CNMD: variants seen among roughly 807,000 people sequenced by gnomAD.
The protein encoded by CNMD is chondromodulin, also known as leukocyte cell-derived chemotaxin 1.
CNMD carries 30 observed loss-of-function variants against 37.5 expected under a neutral mutation model. The ratio of observed to expected loss-of-function variants is 0.80; its 90% CI spans 0.60 to 1.09. The LOEUF is 1.09. CNMD is among the 50% of genes least tolerant of loss of function. The pLI is 0.00. For synonymous variants in CNMD, 167 were observed against 148.2 expected, an observed-to-expected ratio of 1.13 and a Z score of -0.92; for missense variants, 398 against 423.9, an observed-to-expected ratio of 0.94 and a Z score of 0.54.
intron 4 of CNMD, among the ~76,000 whole-genome samples, chr13:52,714,109 C>T (rs1020763875): frequency 3.9e-5 from 6 of 152,154 alleles, no homozygotes; most frequent in African/African-American, 1.4e-4. Context: ...TCTGCTTTTC[C>T]TGATTAAAGG....
intron 4 of CNMD, among the ~76,000 whole-genome samples, chr13:52,716,636 T>G (rs1305330645): frequency 6.6e-6 from 1 of 152,190 alleles, no homozygotes; most frequent in Admixed American, 6.5e-5. Context: ...TTTGTCAGGT[T>G]TGTCAAAGAT....
chr13:52,709,818 C>A (rs530570366), intron 5 of CNMD, among the ~76,000 whole-genome samples: 1 of 152,214 alleles, frequency 6.6e-6, no homozygotes, highest in South Asian at 2.1e-4. Context: ...ACTAAAAATA[C>A]AATAATTAGC....
At chr13:52,720,229 C>A (rs953297899) in intron 4 of CNMD, among the ~76,000 whole-genome samples, 2 of 152,100 alleles carry the variant, frequency 1.3e-5, no homozygotes, top group African/African-American at 4.8e-5. Context: ...TTAGCAATTC[C>A]TCTAACCTTT....
At chr13:52,718,450 T>A (rs1168587399) in intron 4 of CNMD, among the ~76,000 whole-genome samples, 7 of 152,180 alleles carry the variant, frequency 4.6e-5, no homozygotes, top group Non-Finnish European at 8.8e-5. Context: ...CAGTTTTAGA[T>A]CTTTCTTGCT....
rs143292560 is a variant in CNMD, at chr13:52,716,323, C to A, written c.469-3454G>T. 7.9e-4 allele frequency among the ~76,000 whole-genome samples: 120 copies of A among 152,276 alleles called. 1 individual carries two copies. The East Asian group carries it at 0.022, about 28-fold the overall frequency. ...TGCCTCTTCACGCTGATGATAGTTT[C>A]TTTTGCTGTGCAGAAGCTCTTTAAT... On this transcript the variant is annotated intron_variant, in intron 4 of 6. Transcript: ENST00000377962.
intron 3 of CNMD, among the ~76,000 whole-genome samples, chr13:52,731,207 T>G (rs1964660378): frequency 6.6e-6 from 1 of 152,198 alleles, no homozygotes. Context: ...TGTTCATAAC[T>G]CATTGGAACA....
At chr13:52,730,540 T>C (rs977308666) in intron 3 of CNMD, among the ~76,000 whole-genome samples, 21 of 152,044 alleles carry the variant, frequency 1.4e-4, no homozygotes, top group African/African-American at 4.3e-4. Context: ...TGGTATCTCA[T>C]TGTGGTTTTG....
rs9591462 is a variant in CNMD at position 52,739,037 on chromosome 13, G to A, written c.207C>T (p.Asp69=). 4.5e-4 allele frequency: 715 copies of A among 1,578,932 alleles called. 7 individuals carry two copies. In the African/African-American group the frequency reaches 9.1e-3, roughly 20 times the overall value. Residue 69 remains aspartate, a synonymous_variant, in exon 2 of 7, where the codon GAC becomes GAT. Coordinates refer to ENST00000377962, the MANE Select transcript of CNMD (RefSeq NM_007015.3). The surrounding 1 kb of genome is among the most constrained non-coding windows in gnomAD (Gnocchi z 5.4). Reference sequence around the variant, plus strand: ...CGCCGCCCTCTGGACTTACGTGACTGTCGCTCCCCTTCCAGAAGTAGAAGG... The same window carrying A: ...CGCCGCCCTCTGGACTTACGTGACTATCGCTCCCCTTCCAGAAGTAGAAGG... ...IGAFYFWKGS[D]SHIYNVHYTM...
chr13:52,722,349 G>T (rs569938663), intron 4 of CNMD, among the ~76,000 whole-genome samples: 1 of 152,180 alleles, frequency 6.6e-6, no homozygotes, highest in African/African-American at 2.4e-5. Flanking sequence ...GTTTCCAGGC[G>T]CCTTTGCTAA....
chr13:52,703,775 T>G lies in CNMD; in HGVS notation c.825A>C (p.Arg275Ser), dbSNP rs1490669579. 1 of 1,613,630 alleles carries G rather than the reference T, an allele frequency of 6.2e-7. No individual in the cohort carries two copies. The highest frequency in any genetic ancestry group is 1.3e-5 in the African/African-American group (1 of 74,918). ...QEGESMTFDP[R>S]LDHEGICCIE... Reference sequence around the variant, plus strand: ...TACAACAGATTCCTTCGTGATCCAGTCTAGGGTCGAATGTCATGCTTTCCC... The same window carrying G: ...TACAACAGATTCCTTCGTGATCCAGGCTAGGGTCGAATGTCATGCTTTCCC... The change falls in exon 7 of 7, where the codon AGA becomes AGC. Residue 275 changes from arginine to serine, a missense_variant. Transcript: ENST00000377962.
At chr13:52,737,765 T>C (rs1264805185) in intron 2 of CNMD, among the ~76,000 whole-genome samples, 1 of 152,238 alleles carries the variant, frequency 6.6e-6, no homozygotes, top group Non-Finnish European at 1.5e-5. Flanking sequence ...GATGTAGATA[T>C]TGAAATCATT....
chr13:52,735,284 A>G (rs1229978735), intron 2 of CNMD, among the ~76,000 whole-genome samples: 1 of 152,190 alleles, frequency 6.6e-6, no homozygotes, highest in Non-Finnish European at 1.5e-5. Flanking sequence ...GCCAGTGTTC[A>G]TATGGGTCAG....
chr13:52,708,910 T>G, intron 5 of CNMD, among the ~76,000 whole-genome samples: 1 of 152,190 alleles, frequency 6.6e-6, no homozygotes. Context: ...TGAATTTGGT[T>G]TTGTAATACT....
intron 4 of CNMD, among the ~76,000 whole-genome samples, chr13:52,721,656 G>T (rs1810997419): frequency 6.6e-6 from 1 of 152,192 alleles, no homozygotes; most frequent in African/African-American, 2.4e-5. Flanking sequence ...GATAAGCCAG[G>T]TACCTCAGTT....
At chr13:52,729,219 G>A (rs567865199) in intron 3 of CNMD, among the ~76,000 whole-genome samples, 7 of 152,270 alleles carry the variant, frequency 4.6e-5, no homozygotes, top group Admixed American at 4.6e-4. Flanking sequence ...CCTTGGAGAA[G>A]TTTCTTGTCA....
Position 52,739,010 on chromosome 13 carries a change from C to T in CNMD, c.213+21G>A, listed in dbSNP as rs201839383. 3,158 of 1,548,252 alleles carry T rather than the reference C, an allele frequency of 2.0e-3. 71 individuals are homozygous for T. In the South Asian group the frequency reaches 0.035, roughly 17 times the overall value. On this transcript the variant is annotated intron_variant, in intron 2 of 6. Coordinates refer to ENST00000377962, the MANE Select transcript of CNMD (RefSeq NM_007015.3). This position sits in a 1 kb window ranked among gnomAD's most constrained non-coding sequence, Gnocchi z 5.4. ...ACCATGGGCGACACGGGGGTCCCCG[C>T]GCGCCGCCCTCTGGACTTACGTGAC...
intron 4 of CNMD, among the ~76,000 whole-genome samples, chr13:52,723,095 G>GT (rs748528564): frequency 0.037 from 5,573 of 151,768 alleles, 123 homozygotes; most frequent in South Asian, 0.062. Context: ...TCTCTTTCGG[G>GT]TTTTTTTATT....
Position 52,713,245 on chromosome 13 carries a change from A to C in CNMD, c.469-376T>G, listed in dbSNP as rs2281832. Among the ~76,000 whole-genome samples, 77 of 152,364 alleles carry C rather than the reference A, an allele frequency of 5.1e-4. No homozygotes were observed. In the East Asian group the frequency reaches 0.012, roughly 24 times the overall value. On this transcript the variant is annotated intron_variant, in intron 4 of 6. Transcript: ENST00000377962. ...CCTACAAAGGATAGAGGAACCCTTC[A>C]TTTGAAGTGAAAATCTTGTGGGGTT... is the stretch of plus-strand genomic sequence containing the variant.
At chr13:52,705,378 G>A (rs1964157170) in intron 6 of CNMD, among the ~76,000 whole-genome samples, 2 of 152,074 alleles carry the variant, frequency 1.3e-5, no homozygotes, top group African/African-American at 4.8e-5. Context: ...TTAACAACAT[G>A]ATCTGATACA....
Sources: allele counts gnomAD v4.1 joint callset (sites outside exome capture counted in the v4.1 genomes callset), GRCh38; gene constraint gnomAD v4.1.1; non-coding constraint Gnocchi (gnomAD v3.1); transcripts MANE v1.5; gene names NCBI Gene and HGNC (gene_info 2026-07-23, HGNC 2026-07-21).